GNPTG: variants seen among roughly 807,000 people sequenced by gnomAD.
GNPTG encodes N-acetylglucosamine-1-phosphate transferase subunit gamma.
GNPTG carries 46 observed loss-of-function variants against 43.8 expected under a neutral mutation model. The ratio of observed to expected loss-of-function variants is 1.05; its 90% CI spans 0.83 to 1.34. GNPTG has a LOEUF of 1.34. Among genes scored for constraint, GNPTG ranks in the 40% most tolerant of loss-of-function variants. GNPTG has a pLI of 0.00. For synonymous variants in GNPTG, 250 were observed against 172.8 expected, an observed-to-expected ratio of 1.45 and a Z score of -3.50; for missense variants, 549 against 411.3, an observed-to-expected ratio of 1.33 and a Z score of -2.90.
In GNPTG at chr16:1,363,211, T is replaced by A; in HGVS notation, c.*120T>A. 1 of 841,652 alleles carries A rather than the reference T, an allele frequency of 1.2e-6. No homozygotes were observed. Among genetic ancestry groups the A allele is most frequent in the Non-Finnish European group, 2.0e-6 (1 of 512,054 alleles). The allele number at this position is 841,652 out of a possible 1,614,324, so 52.1% of individuals were successfully genotyped here. A position where few individuals can be genotyped will look rare whatever the true frequency, so the allele number is the denominator to read the frequency against. The stretch of plus-strand genomic sequence containing the variant: ...TCAGAGAAGCAGACAAAACAAAGAT[T>A]CAAGGTTTTAATTAATTCCCATACT... On this transcript the variant is annotated 3_prime_UTR_variant, in exon 11 of 11. Transcript: ENST00000204679.
At position 1,362,874 on chromosome 16, in the gene GNPTG, C is replaced by A. The variant is rs779227679; in HGVS notation, c.791C>A (p.Thr264Asn). Reference sequence around the variant, plus strand: ...ATCAAAAGGCTGAAAGGTTTGCTCACCCAGCACGGCATCCCCTACACGAGG... The same window carrying A: ...ATCAAAAGGCTGAAAGGTTTGCTCAACCAGCACGGCATCCCCTACACGAGG... Reference protein sequence around the residue: ...KEIKRLKGLLTQHGIPYTRPT... With the variant: ...KEIKRLKGLLNQHGIPYTRPT... Residue 264 changes from threonine (T) to asparagine (N), a missense_variant, in exon 10 of 11, where the codon ACC (threonine) becomes AAC (asparagine). By Grantham distance (65) the Thr-to-Asn change is moderately conservative. Coordinates refer to ENST00000204679, the MANE Select transcript of GNPTG (RefSeq NM_032520.5). 1 of 1,613,954 alleles carries A rather than the reference C, an allele frequency of 6.2e-7. No homozygotes were observed. The highest frequency in any genetic ancestry group is 1.1e-5 in the South Asian group (1 of 91,076).
At position 1,362,521 on chromosome 16, in the gene GNPTG, T is replaced by A. The variant is rs770850105; in HGVS notation, c.596T>A (p.Leu199Gln). 1.2e-6 allele frequency: 2 copies of A among 1,614,054 alleles called. No individual in the cohort carries two copies. Among genetic ancestry groups the A allele is most frequent in the Non-Finnish European group, 1.7e-6 (2 of 1,180,038 alleles). Residue 199 changes from leucine to glutamine, a missense_variant, in exon 8 of 11, where the codon CTG (leucine) becomes CAG (glutamine). Leu to Gln is a moderately radical substitution (Grantham distance 113, BLOSUM62 -2). Coordinates refer to ENST00000204679, the MANE Select transcript of GNPTG (RefSeq NM_032520.5). ...GTAGAGCAGGACCTGGCCGATGAGC[T>A]GATCACCCCCCAGGTAAGCGTGCGC... ...DQVEQDLADE[L>Q]ITPQGHEKLL...
At chr16:1,353,834 CAAAAGCTAAAGGAG>C (rs2034726528) in intron 3 of GNPTG, among the ~76,000 whole-genome samples, 1 of 152,202 alleles carries the variant, frequency 6.6e-6, no homozygotes, top group East Asian at 1.9e-4. Context: ...ACATTTCAGC[CAAAAGCTAAAGGAG>C]AAAAGGGAGT....
intron 3 of GNPTG, among the ~76,000 whole-genome samples, chr16:1,356,253 G>A (rs769364992): frequency 1.3e-5 from 2 of 152,188 alleles, no homozygotes; most frequent in East Asian, 1.9e-4. Flanking sequence ...CTGGGCCCGC[G>A]GGAGCCAAGG....
rs201263537 is a variant in GNPTG at position 1,362,747 on chromosome 16, C to A, written c.741+5C>A. On this transcript the variant is annotated splice_donor_5th_base_variant and intron_variant, in intron 9 of 10. Transcript: ENST00000204679. ...ACCCTGGAAAACTGCAGGAAGGTAC[C>A]GTATTGGGGGGAGGTGGTGGCACGC... 1 of 1,614,014 alleles carries A rather than the reference C, an allele frequency of 6.2e-7. No homozygotes were observed. Among genetic ancestry groups the A allele is most frequent in the East Asian group, 2.2e-5 (1 of 44,886 alleles).
chr16:1,362,114 C>G lies in GNPTG; in HGVS notation c.394C>G (p.Arg132Gly). The G allele has an allele frequency of 6.2e-7, 1 of 1,612,326 alleles. No individual in the cohort carries two copies. Among genetic ancestry groups the G allele is most frequent in the Non-Finnish European group, 8.5e-7 (1 of 1,179,468 alleles). Residue 132 changes from arginine (R) to glycine (G), a missense_variant, in exon 6 of 11, where the codon CGG becomes GGG. Coordinates refer to ENST00000204679, the MANE Select transcript of GNPTG (RefSeq NM_032520.5). ...WMRDGDACRS[R>G]SRQSKVELAC... ...GAGGGACGGTGACGCCTGCCGTTCCCGGAGCCGGCAGAGCAAGGTGGGGCC... is the reference window on the plus strand; with the variant it reads ...GAGGGACGGTGACGCCTGCCGTTCCGGGAGCCGGCAGAGCAAGGTGGGGCC...
At chr16:1,355,988 G>A (rs913632498) in intron 3 of GNPTG, among the ~76,000 whole-genome samples, 4 of 152,032 alleles carry the variant, frequency 2.6e-5, no homozygotes, top group African/African-American at 9.7e-5. Flanking sequence ...GAGGTCCCCG[G>A]TGAAGTTCTT....
intron 3 of GNPTG, among the ~76,000 whole-genome samples, chr16:1,355,546 C>T (rs2034761054): frequency 6.6e-6 from 1 of 152,050 alleles, no homozygotes; most frequent in South Asian, 2.1e-4. Context: ...CCCTTGACAG[C>T]AGGAGGAGCA....
Position 1,352,145 on chromosome 16 carries a change from G to A in GNPTG, c.96G>A (p.Glu32=), listed in dbSNP as rs928343311. 2 of 1,581,274 alleles carry A rather than the reference G, an allele frequency of 1.3e-6. No individual in the cohort carries two copies. The highest frequency in any genetic ancestry group is 2.7e-5 in the African/African-American group (2 of 74,386). Reference sequence around the variant, plus strand: ...CAGCGAAGATGAAGGTGGTGGAGGAGCCCAACGCGTTTGGGTGAGCAGCCT... The same window carrying A: ...CAGCGAAGATGAAGGTGGTGGAGGAACCCAACGCGTTTGGGTGAGCAGCCT... ...AGAAKMKVVE[E]PNAFGVNNPF... is the part of the protein sequence containing the mutation. The change falls in exon 2 of 11, where the codon GAG becomes GAA. Residue 32 remains glutamate, a synonymous_variant. Transcript: ENST00000204679.
intron 3 of GNPTG, 83 bp from the exon 4 acceptor site, chr16:1,361,660 G>C: frequency 6.9e-7 from 1 of 1,452,440 alleles, no homozygotes; most frequent in Non-Finnish European, 9.6e-7. Context: ...AAAGAAAACT[G>C]GTCCTTTGAA....
At chr16:1,362,398 G>T in intron 7 of GNPTG, 54 bp from the exon 8 acceptor site, 1 of 1,610,700 alleles carries the variant, frequency 6.2e-7, no homozygotes, top group Non-Finnish European at 8.5e-7. Context: ...TAGTGCTGGG[G>T]GCCAGGGTTG....
chr16:1,352,082 C>G lies in GNPTG; in HGVS notation c.53-20C>G, dbSNP rs763639979. On this transcript the variant is annotated intron_variant, in intron 1 of 10. Coordinates refer to ENST00000204679, the MANE Select transcript of GNPTG (RefSeq NM_032520.5). Reference sequence around the variant, plus strand: ...CGCTCTGCACCCCGGCCTCCCCGCTCACGGTCTCGCTCCCCGTAGGGCCCG... The same window carrying G: ...CGCTCTGCACCCCGGCCTCCCCGCTGACGGTCTCGCTCCCCGTAGGGCCCG... 9.7e-6 allele frequency: 15 copies of G among 1,552,446 alleles called. No individual in the cohort carries two copies. In the African/African-American group the frequency reaches 2.1e-4, roughly 21 times the overall value.
At chr16:1,352,067 C>G in intron 1 of GNPTG, 35 bp from the exon 2 acceptor site, 2 of 1,541,232 alleles carry the variant, frequency 1.3e-6, no homozygotes, top group South Asian at 1.2e-5. Context: ...CGCTCTGCAC[C>G]CCGGCCTCCC....
chr16:1,362,881 C>T lies in GNPTG; in HGVS notation c.798C>T (p.His266=), dbSNP rs375787769. 40 of 1,613,900 alleles carry T rather than the reference C, an allele frequency of 2.5e-5. No individual in the cohort carries two copies. The highest frequency in any genetic ancestry group is 2.8e-5 in the Non-Finnish European group (33 of 1,180,018). ...IKRLKGLLTQ[H]GIPYTRPTET... is the part of the protein sequence containing the mutation. ...GGCTGAAAGGTTTGCTCACCCAGCACGGCATCCCCTACACGAGGCCCACAG... is the reference window on the plus strand; with the variant it reads ...GGCTGAAAGGTTTGCTCACCCAGCATGGCATCCCCTACACGAGGCCCACAG... The change falls in exon 10 of 11, where the codon CAC becomes CAT. Residue 266 remains histidine, a synonymous_variant. Coordinates refer to ENST00000204679, the MANE Select transcript of GNPTG (RefSeq NM_032520.5).
rs925124634 is a variant in GNPTG, at chr16:1,362,633, C to T, written c.632C>T (p.Thr211Ile). 4 of 1,614,032 alleles carry T rather than the reference C, an allele frequency of 2.5e-6. No individual in the cohort carries two copies. Among genetic ancestry groups the T allele is most frequent in the South Asian group, 2.2e-5 (2 of 91,088 alleles). ...TPQGHEKLLR[T>I]LFEDAGYLKT... ...CAGGGCCATGAGAAGTTGCTGAGGA[C>T]ACTTTTTGAGGATGCTGGCTACTTA... Residue 211 changes from threonine to isoleucine, a missense_variant, in exon 9 of 11, where the codon ACA (threonine) becomes ATA (isoleucine). Transcript: ENST00000204679.
At chr16:1,356,053 C>T (rs955136883) in intron 3 of GNPTG, among the ~76,000 whole-genome samples, 7 of 151,728 alleles carry the variant, frequency 4.6e-5, no homozygotes, top group South Asian at 2.1e-4. Flanking sequence ...GGTGTGGGGC[C>T]GGGCCAGGGA....
chr16:1,358,412 C>T (rs1299289338), intron 3 of GNPTG: 2 of 151,958 alleles, frequency 1.3e-5, no homozygotes, highest in Admixed American at 6.5e-5. Context: ...GGCACAGTGT[C>T]CCCAAGGTCC....
At position 1,352,315 on chromosome 16, in the gene GNPTG, G is replaced by T. The variant is rs2034699941; in HGVS notation, c.178+9G>T. 6.5e-7 allele frequency: 1 copy of T among 1,548,144 alleles called. No homozygotes were observed. The highest frequency in any genetic ancestry group is 1.2e-5 in the South Asian group (1 of 83,976). On this transcript the variant is annotated intron_variant, in intron 3 of 10. Coordinates refer to ENST00000204679, the MANE Select transcript of GNPTG (RefSeq NM_032520.5). The stretch of plus-strand genomic sequence containing the variant: ...TCCTTCACCCGTGTCTGGTGAGTGA[G>T]GAGCGCTGTTGGCCGGCGCGGGGGT...
chr16:1,361,589 A>G, intron 3 of GNPTG, 154 bp from the exon 4 acceptor site: 1 of 758,712 alleles, frequency 1.3e-6, no homozygotes, highest in Non-Finnish European at 2.2e-6. Context: ...GCTTGAAGTG[A>G]GCCAAGATCA....
Sources: allele counts gnomAD v4.1 joint callset (sites outside exome capture counted in the v4.1 genomes callset), GRCh38; gene constraint gnomAD v4.1.1; transcripts MANE v1.5; gene names NCBI Gene and HGNC (gene_info 2026-07-23, HGNC 2026-07-21).